The following ACTN4 variants were observed in gnomAD, a reference collection of about 807,000 sequenced individuals.
The protein encoded by ACTN4 is alpha-actinin-4.
A neutral mutation model predicts 114.2 loss-of-function variants in ACTN4; 18 were observed. The observed-to-expected ratio is 0.16, with a 90% confidence interval of 0.11 to 0.23. ACTN4 has a LOEUF of 0.23. Ranked by LOEUF, ACTN4 falls within the 10% of genes least tolerant of loss-of-function variation. The probability of loss-of-function intolerance (pLI) is 1.00; values close to 1 mark genes in which losing one functional copy is unlikely to be tolerated. For synonymous variants in ACTN4, 515 were observed against 506.3 expected (o/e 1.02, Z -0.23); for missense variants, 722 against 1,262.9 (o/e 0.57, Z 6.49).
intron 3 of ACTN4, among the ~76,000 whole-genome samples, chr19:38,702,015 A>T (rs556564491): frequency 6.6e-6 from 1 of 152,206 alleles, no homozygotes; most frequent in Non-Finnish European, 1.5e-5. Flanking sequence ...TGCATGCCAC[A>T]GTCGAGGTGG....
At chr19:38,723,513 C>A in intron 12 of ACTN4, 101 bp from the exon 13 acceptor site, 1 of 834,288 alleles carries the variant, frequency 1.2e-6, no homozygotes, top group Non-Finnish European at 2.0e-6. Flanking sequence ...GGAATGTTGA[C>A]TGCCCCAACA....
chr19:38,650,860 C>T (rs931126080), intron 1 of ACTN4, among the ~76,000 whole-genome samples: 5 of 152,238 alleles, frequency 3.3e-5, no homozygotes, highest in Admixed American at 6.5e-5. Context: ...CTCAGCCTCC[C>T]GAGTAGCTGG....
intron 11 of ACTN4, among the ~76,000 whole-genome samples, chr19:38,719,763 A>G (rs1968973503): frequency 6.6e-6 from 1 of 152,222 alleles, no homozygotes; most frequent in Admixed American, 6.5e-5. Flanking sequence ...CTGCCCACCC[A>G]TCAGCTCTTC....
rs936678982 is a variant in ACTN4, at chr19:38,724,939, G to A, written c.2010+374G>A. ...TGCCACTGCACTTCAGCCTGACAGCGAGACCCTGTGGTCTCTAGTGGGCTA... is the reference window on the plus strand; with the variant it reads ...TGCCACTGCACTTCAGCCTGACAGCAAGACCCTGTGGTCTCTAGTGGGCTA... On this transcript the variant is annotated intron_variant, in intron 16 of 20. Transcript: ENST00000252699. The surrounding 1 kb of genome is among the most constrained non-coding windows in gnomAD (Gnocchi z 7.0). 6.6e-5 allele frequency among the ~76,000 whole-genome samples: 10 copies of A among 152,218 alleles called. No homozygotes were observed. Among genetic ancestry groups the A allele is most frequent in the Non-Finnish European group, 1.3e-4 (9 of 68,038 alleles).
intron 1 of ACTN4, among the ~76,000 whole-genome samples, chr19:38,680,606 G>A (rs965990596): frequency 2.0e-5 from 3 of 152,108 alleles, no homozygotes; most frequent in African/African-American, 7.2e-5. Flanking sequence ...CAGTCTCAGC[G>A]TGTCTGAGAC....
At chr19:38,691,628 C>T (rs944914393) in intron 1 of ACTN4, among the ~76,000 whole-genome samples, 11 of 149,760 alleles carry the variant, frequency 7.3e-5, no homozygotes, top group East Asian at 4.1e-4. Flanking sequence ...TTTGGCCTGG[C>T]GCGGTGGCTC....
rs1007978027 is a variant in ACTN4, at chr19:38,700,985, C to A, written c.278-17C>A. ...CTCTCTGTCTCGCCCCCTCTTTTCT[C>A]TTTGTGCACTTCTCAGGGGAGCGGT... On this transcript the variant is annotated splice_polypyrimidine_tract_variant and intron_variant, in intron 2 of 20. Coordinates refer to ENST00000252699, the MANE Select transcript of ACTN4 (RefSeq NM_004924.6). 6.2e-7 allele frequency: 1 copy of A among 1,613,210 alleles called. No homozygotes were observed. Among genetic ancestry groups the A allele is most frequent in the South Asian group, 1.1e-5 (1 of 91,056 alleles).
chr19:38,700,748 C>T, intron 2 of ACTN4, 34 bp downstream of exon 2: 1 of 1,573,572 alleles, frequency 6.4e-7, no homozygotes, highest in Non-Finnish European at 8.7e-7. Context: ...CGGCCGAGCC[C>T]TGGCACAGGT....
In ACTN4 at chr19:38,718,923, G is replaced by A. The variant is rs549850698; in HGVS notation, c.1291+849G>A. Among the ~76,000 whole-genome samples the A allele has an allele frequency of 2.4e-4, 37 of 152,326 alleles. No individual in the cohort carries two copies. The South Asian group carries it at 3.9e-3, about 16-fold the overall frequency. On this transcript the variant is annotated intron_variant, in intron 11 of 20. Coordinates refer to ENST00000252699, the MANE Select transcript of ACTN4 (RefSeq NM_004924.6). ...TGGGCCTGCTGCCGGACCACAGCCA[G>A]TGCTCACCCTCAGACAGTGCTCACC...
intron 1 of ACTN4, among the ~76,000 whole-genome samples, chr19:38,656,686 A>T (rs987320777): frequency 6.6e-6 from 1 of 152,234 alleles, no homozygotes; most frequent in Admixed American, 6.5e-5. Context: ...ATTGAATGGG[A>T]TGCTAGAACA....
intron 1 of ACTN4, among the ~76,000 whole-genome samples, chr19:38,650,528 T>C (rs1976530977): frequency 6.6e-6 from 1 of 152,232 alleles, no homozygotes; most frequent in Admixed American, 6.5e-5. Flanking sequence ...AGCCAGATTC[T>C]AGTACCTCCT....
intron 1 of ACTN4, among the ~76,000 whole-genome samples, chr19:38,674,071 C>T (rs1255528047): frequency 6.6e-6 from 1 of 151,946 alleles, no homozygotes; most frequent in Non-Finnish European, 1.5e-5. Context: ...TGAGCCACTG[C>T]GCCCGGTGTG....
At chr19:38,648,042 G>C (rs1283012719) in intron 1 of ACTN4, 135 bp downstream of exon 1, 1 of 1,137,722 alleles carries the variant, frequency 8.8e-7, no homozygotes, top group Non-Finnish European at 1.2e-6. Flanking sequence ...GGCGGGTCCG[G>C]GAAGGGAATT....
Position 38,729,570 on chromosome 19 carries a change from G to T in ACTN4, c.*138G>T, listed in dbSNP as rs1254726743. 1 of 1,007,058 alleles carries T rather than the reference G, an allele frequency of 9.9e-7. No individual in the cohort carries two copies. Among genetic ancestry groups the T allele is most frequent in the African/African-American group, 1.6e-5 (1 of 62,428 alleles). 62.4% of individuals were successfully genotyped at this position (1,007,058 alleles called of 1,614,324 possible). ...GGGGTGGGTGGGTGGGCAGGGAGGG[G>T]CTGGGGCAGGCTCTCTCCTCTCTCT... On this transcript the variant is annotated 3_prime_UTR_variant, in exon 21 of 21. Transcript: ENST00000252699.
rs772612410 is a variant in ACTN4, at chr19:38,729,460, C to G, written c.*28C>G. ...CCCCAGAGACCTGACCCAACACCCC[C>G]GACGGCCTCCAGGAGGGGCCTGGGC... On this transcript the variant is annotated 3_prime_UTR_variant, in exon 21 of 21. Transcript: ENST00000252699. 3 of 1,610,482 alleles carry G rather than the reference C, an allele frequency of 1.9e-6. No individual in the cohort carries two copies. Among genetic ancestry groups the G allele is most frequent in the Non-Finnish European group, 2.5e-6 (3 of 1,178,714 alleles).
chr19:38,731,280 C>T lies in ACTN4; in HGVS notation c.*1848C>T. The T allele has an allele frequency of 7.6e-7, 1 of 1,315,542 alleles. No individual in the cohort carries two copies. The highest frequency in any genetic ancestry group is 1.1e-6 in the Non-Finnish European group (1 of 914,032). 81.5% of individuals were successfully genotyped at this position (1,315,542 alleles called of 1,614,324 possible). ...CCACAGGGAACCCACCTTGGCATTG[C>T]ATCCCCACCCCACCTCCTCAGGGAG... On this transcript the variant is annotated 3_prime_UTR_variant, in exon 21 of 21. Coordinates refer to ENST00000252699, the MANE Select transcript of ACTN4 (RefSeq NM_004924.6).
At chr19:38,711,372 C>A in intron 8 of ACTN4, 1 of 1,022,186 alleles carries the variant, frequency 9.8e-7, no homozygotes, top group East Asian at 8.5e-5. Flanking sequence ...GTGAGCTGGG[C>A]CAGGCACACC....
At chr19:38,706,676 C>T (rs1163583885) in intron 5 of ACTN4, among the ~76,000 whole-genome samples, 1 of 152,228 alleles carries the variant, frequency 6.6e-6, no homozygotes, top group South Asian at 2.1e-4. Flanking sequence ...ACCCCGGCCT[C>T]CCAAAGTGCT....
At chr19:38,694,853 G>A (rs868757819) in intron 1 of ACTN4, among the ~76,000 whole-genome samples, 4 of 151,878 alleles carry the variant, frequency 2.6e-5, no homozygotes, top group Non-Finnish European at 4.4e-5. Context: ...CATGCCCCCC[G>A]CACCCCCGTG....
Sources: allele counts gnomAD v4.1 joint callset (sites outside exome capture counted in the v4.1 genomes callset), GRCh38; gene constraint gnomAD v4.1.1; non-coding constraint Gnocchi (gnomAD v3.1); transcripts MANE v1.5; gene names NCBI Gene and HGNC (gene_info 2026-07-23, HGNC 2026-07-21).